EHD1: variants seen among roughly 807,000 people sequenced by gnomAD.
The protein encoded by EHD1 is EH domain-containing protein 1.
A neutral mutation model predicts 39.0 loss-of-function variants in EHD1; 19 were observed. The ratio of observed to expected loss-of-function variants is 0.49; its 90% CI spans 0.34 to 0.72. The LOEUF is 0.72. Ranked by LOEUF, EHD1 falls within the 30% of genes least tolerant of loss-of-function variation. The probability of loss-of-function intolerance (pLI) is 0.01; values close to 1 mark genes in which losing one functional copy is unlikely to be tolerated. For missense variants in EHD1, 542 were observed against 751.5 expected, an observed-to-expected ratio of 0.72 and a Z score of 3.26; for synonymous variants, 323 against 331.2, an observed-to-expected ratio of 0.98 and a Z score of 0.27.
intron 2 of EHD1, among the ~76,000 whole-genome samples, chr11:64,861,032 A>AG (rs1014427728): frequency 2.0e-5 from 3 of 150,668 alleles, no homozygotes; most frequent in African/African-American, 7.3e-5. Context: ...AAAAAAAAAA[A>AG]AAAAATAGCC....
chr11:64,874,321 A>AAAT, intron 2 of EHD1, 100 bp downstream of exon 2: 3 of 997,494 alleles, frequency 3.0e-6, no homozygotes, highest in Non-Finnish European at 4.3e-6. Flanking sequence ...AAAAAAAAAA[A>AAAT]GGAGAAATCT....
At chr11:64,877,024 C>T (rs1347640690) in intron 1 of EHD1, among the ~76,000 whole-genome samples, 1 of 152,174 alleles carries the variant, frequency 6.6e-6, no homozygotes, top group African/African-American at 2.4e-5. Context: ...CCGTGCAGGG[C>T]GGGGACCTGG....
At chr11:64,873,376 G>C (rs900448067) in intron 2 of EHD1, among the ~76,000 whole-genome samples, 5 of 152,242 alleles carry the variant, frequency 3.3e-5, no homozygotes, top group Non-Finnish European at 7.3e-5. Flanking sequence ...AATGTATATG[G>C]CTTTGGGGGG....
chr11:64,878,725 C>A (rs1253040318), upstream of EHD1: 55 of 1,328,584 alleles, frequency 4.1e-5, no homozygotes, highest in Non-Finnish European at 4.7e-5. Context: ...TAGGGAGGAG[C>A]CCCTCCCAGC....
In EHD1 at chr11:64,874,321, A is replaced by AG. The variant is rs1027770404; in HGVS notation, c.502+99dup. 13 of 997,502 alleles carry AG rather than the reference A, an allele frequency of 1.3e-5. 1 individual carries two copies. In the East Asian group the frequency reaches 2.0e-4, roughly 16 times the overall value. The allele number at this position is 997,502 out of a possible 1,614,324, so 61.8% of individuals were successfully genotyped here. On this transcript the variant is annotated intron_variant, in intron 2 of 4. Coordinates refer to ENST00000320631, the MANE Select transcript of EHD1 (RefSeq NM_006795.4). ...TCCGTCAAAAAAAAAAAAAAAAAAAAGGAGAAATCTCAAGGGCAGCATCTG... is the reference window on the plus strand; with the variant it reads ...TCCGTCAAAAAAAAAAAAAAAAAAAAGGGAGAAATCTCAAGGGCAGCATCTG...
Position 64,854,434 on chromosome 11 carries a change from C to T in EHD1, c.1504G>A (p.Ala502Thr). 1 of 1,614,052 alleles carries T rather than the reference C, an allele frequency of 6.2e-7. No homozygotes were observed. The highest frequency in any genetic ancestry group is 8.5e-7 in the Non-Finnish European group (1 of 1,179,968). The change falls in exon 5 of 5, where the codon GCG becomes ACG. Residue 502 changes from alanine to threonine, a missense_variant. Ala to Thr is a moderately conservative substitution (Grantham distance 58). Coordinates refer to ENST00000320631, the MANE Select transcript of EHD1 (RefSeq NM_006795.4). ...KDGLLDDEEF[A>T]LANHLIKVKL... ...ACCTTGATGAGGTGGTTGGCCAGCG[C>T]GAACTCCTCGTCGTCCAGCAGCCCG...
chr11:64,855,833 C>T, intron 3 of EHD1: 1 of 314,094 alleles, frequency 3.2e-6, no homozygotes, highest in Non-Finnish European at 6.2e-6. Flanking sequence ...TCGTGTACCA[C>T]TGGGCACATC....
At chr11:64,854,980 C>T in intron 4 of EHD1, 123 bp from the exon 5 acceptor site, 1 of 1,267,854 alleles carries the variant, frequency 7.9e-7, no homozygotes, top group Non-Finnish European at 1.1e-6. Flanking sequence ...GCAGGGGCGA[C>T]TCGGCAAAAC....
rs529759912 is a variant in EHD1 at position 64,873,575 on chromosome 11, T to C, written c.502+846A>G. ...TGTGGTCTCACCATGGCTGCTCCCATTGCCTAGGCCCAGGGAGCCAAGAAA... is the reference window on the plus strand; with the variant it reads ...TGTGGTCTCACCATGGCTGCTCCCACTGCCTAGGCCCAGGGAGCCAAGAAA... On this transcript the variant is annotated intron_variant, in intron 2 of 4. Transcript: ENST00000320631. Among the ~76,000 whole-genome samples, 3 of 152,224 alleles carry C rather than the reference T, an allele frequency of 2.0e-5. No individual in the cohort carries two copies. In the South Asian group the frequency reaches 6.2e-4, roughly 32 times the overall value.
At chr11:64,867,540 G>A (rs1168322953) in intron 2 of EHD1, among the ~76,000 whole-genome samples, 2 of 152,090 alleles carry the variant, frequency 1.3e-5, no homozygotes, top group African/African-American at 2.4e-5. Context: ...TCAACATGGT[G>A]AAACCCTGTC....
intron 2 of EHD1, among the ~76,000 whole-genome samples, chr11:64,861,157 G>A (rs1482903140): frequency 6.6e-6 from 1 of 151,004 alleles, no homozygotes; most frequent in African/African-American, 2.4e-5. Context: ...CTGCAGTCCA[G>A]CCTGCGTGAC....
chr11:64,863,395 G>A (rs921003974), intron 2 of EHD1, among the ~76,000 whole-genome samples: 6 of 152,188 alleles, frequency 3.9e-5, no homozygotes, highest in South Asian at 4.1e-4. Flanking sequence ...GGACAGGGTC[G>A]CCCACGGTGA....
At chr11:64,874,598 C>G in intron 1 of EHD1, 80 bp from the exon 2 acceptor site, 1 of 1,107,268 alleles carries the variant, frequency 9.0e-7, no homozygotes, top group Non-Finnish European at 1.2e-6. Context: ...GCTCTCTGTA[C>G]TCCTTCGCTC....
In EHD1 at chr11:64,878,143, C is replaced by G; in HGVS notation, c.322G>C (p.Val108Leu). The change falls in exon 1 of 5, where the codon GTG (valine) becomes CTG (leucine). Residue 108 changes from valine to leucine, a missense_variant. Physicochemically the swap from Val to Leu is conservative, Grantham distance 32. Coordinates refer to ENST00000320631, the MANE Select transcript of EHD1 (RefSeq NM_006795.4). Reference sequence around the variant, plus strand: ...ACCACGAGCGCGTTGCCCGGCACCACGCCCTCAGTGGGGCCGTGCATGACG... The same window carrying G: ...ACCACGAGCGCGTTGCCCGGCACCAGGCCCTCAGTGGGGCCGTGCATGACG... ...IAVMHGPTEG[V>L]VPGNALVVDP... The G allele has an allele frequency of 6.3e-7, 1 of 1,583,696 alleles. No homozygotes were observed. Among genetic ancestry groups the G allele is most frequent in the Non-Finnish European group, 8.6e-7 (1 of 1,159,534 alleles).
rs765280172 is a variant in EHD1, at chr11:64,855,419, T to C, written c.983A>G (p.Lys328Arg). ...TCCGAGGTTGTTCACCAGCTCTTTC[T>C]TTTTGCTCTCTTTACCAAAGACATT... Reference protein sequence around the residue: ...MPNVFGKESKKKELVNNLGEI... With the variant: ...MPNVFGKESKRKELVNNLGEI... Residue 328 changes from lysine to arginine, a missense_variant, in exon 4 of 5, where the codon AAG becomes AGG. Transcript: ENST00000320631. The C allele has an allele frequency of 5.6e-6, 9 of 1,613,916 alleles. No homozygotes were observed. Among genetic ancestry groups the C allele is most frequent in the Non-Finnish European group, 4.2e-6 (5 of 1,179,956 alleles).
intron 2 of EHD1, among the ~76,000 whole-genome samples, chr11:64,872,594 G>C (rs1023056881): frequency 7.0e-6 from 1 of 143,704 alleles, no homozygotes; most frequent in Non-Finnish European, 1.5e-5. Flanking sequence ...ACTAGCCCTC[G>C]CTTTTTTTTT....
intron 2 of EHD1, among the ~76,000 whole-genome samples, chr11:64,873,228 T>C (rs551957391): frequency 3.3e-4 from 51 of 152,360 alleles, no homozygotes; most frequent in African/African-American, 1.2e-3. Context: ...CACTACTGCA[T>C]AGCAAGAAGG....
At chr11:64,858,310 T>C (rs1308542846) in intron 3 of EHD1, among the ~76,000 whole-genome samples, 2 of 151,860 alleles carry the variant, frequency 1.3e-5, no homozygotes, top group Non-Finnish European at 2.9e-5. Context: ...GCCTCCCAAG[T>C]AGCTGGGATT....
chr11:64,870,181 C>G (rs550679789), intron 2 of EHD1, among the ~76,000 whole-genome samples: 2 of 152,314 alleles, frequency 1.3e-5, no homozygotes, highest in South Asian at 4.1e-4. Context: ...AGGGTGGCCT[C>G]TGTGTGTCTC....
Sources: allele counts gnomAD v4.1 joint callset (sites outside exome capture counted in the v4.1 genomes callset), GRCh38; gene constraint gnomAD v4.1.1; transcripts MANE v1.5; gene names NCBI Gene and HGNC (gene_info 2026-07-23, HGNC 2026-07-21).